Variants in AFF3 observed in about 807,000 individuals in gnomAD.
AFF3 encodes the protein AF4/FMR2 family member 3.
A neutral mutation model predicts 129.7 loss-of-function variants in AFF3; 32 were observed. The ratio of observed to expected loss-of-function variants is 0.25; its 90% CI spans 0.19 to 0.33. The LOEUF (loss-of-function observed/expected upper bound fraction) is 0.33, where lower values mean the gene tolerates loss of function less well. Ranked by LOEUF, AFF3 falls within the 10% of genes least tolerant of loss-of-function variation. The probability of loss-of-function intolerance (pLI) is 1.00; values close to 1 mark genes in which losing one functional copy is unlikely to be tolerated. For synonymous variants in AFF3, 644 were observed against 635.4 expected, an observed-to-expected ratio of 1.01 and a Z score of -0.20; for missense variants, 1,373 against 1,592.0, an observed-to-expected ratio of 0.86 and a Z score of 2.34.
chr2:99,741,204 G>T (rs1680689661), intron 10 of AFF3, among the ~76,000 whole-genome samples: 2 of 152,112 alleles, frequency 1.3e-5, no homozygotes, highest in South Asian at 4.1e-4. Flanking sequence ...ACATAGTGTT[G>T]GAAGTTCTGG....
chr2:100,093,505 C>G lies in AFF3; in HGVS notation c.53+10897G>C, dbSNP rs376137737. 3.2e-3 allele frequency among the ~76,000 whole-genome samples: 493 copies of G among 152,168 alleles called. 4 individuals are homozygous for G. The highest frequency in any genetic ancestry group is 0.011 in the African/African-American group (468 of 41,482). On this transcript the variant is annotated intron_variant, in intron 4 of 24. Transcript: ENST00000672756. ...ACCTAACTATTAGAAACCAACATAC[C>G]CTACTTCCTCTCAGACTCCAAAGAA...
chr2:100,050,150 A>G (rs1686170904), intron 4 of AFF3, among the ~76,000 whole-genome samples: 1 of 150,854 alleles, frequency 6.6e-6, no homozygotes, highest in African/African-American at 2.4e-5. Context: ...GTGAGCCGAG[A>G]TCACACCACT....
intron 8 of AFF3, among the ~76,000 whole-genome samples, chr2:99,792,312 T>C (rs2309650): frequency 0.72 from 109,356 of 151,904 alleles, 40,943 homozygotes; most frequent in South Asian, 0.9. Flanking sequence ...CTACAAAATA[T>C]AAAAAAATTA....
chr2:99,998,673 T>C lies in AFF3; in HGVS notation c.873+7959A>G, dbSNP rs554060489. ...ACACAGATGCTATTCCTGAAGGTTA[T>C]GTCTGTCAGATAACAAATACACAGA... On this transcript the variant is annotated intron_variant, in intron 7 of 24. Transcript: ENST00000672756. Among the ~76,000 whole-genome samples the C allele has an allele frequency of 5.3e-5, 8 of 152,356 alleles. No homozygotes were observed. The East Asian group carries it at 1.2e-3, about 22-fold the overall frequency.
chr2:99,839,354 C>T (rs1333595417), intron 7 of AFF3, among the ~76,000 whole-genome samples: 1 of 152,126 alleles, frequency 6.6e-6, no homozygotes, highest in South Asian at 2.1e-4. Flanking sequence ...AGGTGATCCC[C>T]TCGCCTCGGC....
chr2:99,979,729 C>T (rs1183869476), intron 7 of AFF3, among the ~76,000 whole-genome samples: 1 of 152,156 alleles, frequency 6.6e-6, no homozygotes. Flanking sequence ...GCAATTCCCC[C>T]TCTTGGGCCT....
intron 11 of AFF3, among the ~76,000 whole-genome samples, chr2:99,695,363 C>G (rs1676104855): frequency 6.6e-6 from 1 of 152,204 alleles, no homozygotes; most frequent in Admixed American, 6.5e-5. Flanking sequence ...CCCTCATATA[C>G]TCAAGGACTT....
intron 11 of AFF3, among the ~76,000 whole-genome samples, chr2:99,681,313 C>G (rs1674504656): frequency 6.6e-6 from 1 of 152,208 alleles, no homozygotes; most frequent in South Asian, 2.1e-4. Context: ...CCATTGTAAA[C>G]TGTAAAGCTT....
At chr2:99,595,469 C>T (rs1156941185) in intron 14 of AFF3, among the ~76,000 whole-genome samples, 1 of 152,132 alleles carries the variant, frequency 6.6e-6, no homozygotes, top group Admixed American at 6.5e-5. Flanking sequence ...TAGCTCCATA[C>T]TTCAAGCTTG....
chr2:99,763,162 T>C (rs1682754681), intron 8 of AFF3, among the ~76,000 whole-genome samples: 1 of 152,222 alleles, frequency 6.6e-6, no homozygotes, highest in Non-Finnish European at 1.5e-5. Flanking sequence ...GCATTCTGCC[T>C]GTCAATCCAT....
rs758361196 is a variant in AFF3, at chr2:100,006,887, G to A, written c.618C>T (p.His206=). 6 of 1,614,198 alleles carry A rather than the reference G, an allele frequency of 3.7e-6. No individual in the cohort carries two copies. In the South Asian group the frequency reaches 6.6e-5, roughly 18 times the overall value. Residue 206 remains histidine, a synonymous_variant, in exon 7 of 25, where the codon CAC becomes CAT. Coordinates refer to ENST00000672756, the MANE Select transcript of AFF3 (RefSeq NM_001386135.1). ...TCTGAACACAGTGTCCGCTGCTGCT[G>A]TGCTTGGCCGCCATGGCAGGTGGCC... ...QERPPAMAAK[H]SSSGHCVQNF... is the part of the protein sequence containing the mutation.
chr2:99,837,503 T>C lies in AFF3; in HGVS notation c.895A>G (p.Asn299Asp). 6.2e-7 allele frequency: 1 copy of C among 1,613,860 alleles called. No individual in the cohort carries two copies. The highest frequency in any genetic ancestry group is 1.3e-5 in the African/African-American group (1 of 75,024). ...CGGATTATTTCTTCAACACAGCTGT[T>C]GGTTTCTCCAGATCTACTCTCCTGA... ...QGEESRSGET[N>D]SCVEEIIREM... Residue 299 changes from asparagine to aspartate, a missense_variant, in exon 8 of 25, where the codon AAC becomes GAC. By Grantham distance (23) the Asn-to-Asp change is conservative (BLOSUM62 1). This residue lies in a region of AFF3 where 413 missense variants were observed against 424.4 expected (regional missense o/e 0.97). Coordinates refer to ENST00000672756, the MANE Select transcript of AFF3 (RefSeq NM_001386135.1).
intron 7 of AFF3, among the ~76,000 whole-genome samples, chr2:99,980,016 T>C (rs1216417114): frequency 1.3e-5 from 2 of 152,016 alleles, no homozygotes; most frequent in Non-Finnish European, 2.9e-5. Context: ...CATAATTGTG[T>C]GCCCTTAATT....
At chr2:99,567,718 G>A (rs1166717872) in intron 19 of AFF3, among the ~76,000 whole-genome samples, 1 of 152,218 alleles carries the variant, frequency 6.6e-6, no homozygotes, top group Non-Finnish European at 1.5e-5. Flanking sequence ...GTGCTTAGAG[G>A]TCAGTAGGGG....
At chr2:99,744,777 A>G (rs1467714382) in intron 9 of AFF3, among the ~76,000 whole-genome samples, 2 of 152,174 alleles carry the variant, frequency 1.3e-5, no homozygotes, top group African/African-American at 4.8e-5. Context: ...GTGTTTATCC[A>G]TTCATCTGTT....
At chr2:99,770,754 C>T (rs1683410265) in intron 8 of AFF3, among the ~76,000 whole-genome samples, 1 of 152,126 alleles carries the variant, frequency 6.6e-6, no homozygotes, top group Non-Finnish European at 1.5e-5. Flanking sequence ...CCTTCTGGCC[C>T]AGGGTGTCTC....
chr2:100,007,256 T>C lies in AFF3; in HGVS notation c.379A>G (p.Ser127Gly), dbSNP rs764548950. The change falls in exon 6 of 25, where the codon AGC becomes GGC. Residue 127 changes from serine to glycine, a missense_variant. Physicochemically the swap from Ser to Gly is moderately conservative, Grantham distance 56 (BLOSUM62 0). Around this residue, in one of 9 missense-constraint regions of AFF3, gnomAD observed 255 missense variants for 256.0 expected, o/e 1.00. Transcript: ENST00000672756. ...GCTGCTGGTGTGGAAGTTGTAGTGC[T>C]ACAGATAGACGAGGGCTGGTTCTGG... ...RAQNQPSSIC[S>G]TTTSTPAAVP... 1 of 1,614,124 alleles carries C rather than the reference T, an allele frequency of 6.2e-7. No homozygotes were observed. Among genetic ancestry groups the C allele is most frequent in the South Asian group, 1.1e-5 (1 of 91,078 alleles).
At position 99,593,848 on chromosome 2, in the gene AFF3, G is replaced by T; in HGVS notation, c.1813C>A (p.Pro605Thr). The T allele has an allele frequency of 6.3e-7, 1 of 1,593,610 alleles. No individual in the cohort carries two copies. ...SAGDGANCHR[P>T]EEPAAADALG... The stretch of plus-strand genomic sequence containing the variant: ...GCGTCCGCGGCCGCGGGCTCCTCGG[G>T]CCGGTGGCAGTTGGCGCCGTCCCCG... The change falls in exon 15 of 25, where the codon CCC (proline) becomes ACC (threonine). Residue 605 changes from proline (P) to threonine (T), a missense_variant. Physicochemically the swap from Pro to Thr is conservative, Grantham distance 38. This residue lies in a region of AFF3 where 466 missense variants were observed against 505.0 expected (regional missense o/e 0.92). Coordinates refer to ENST00000672756, the MANE Select transcript of AFF3 (RefSeq NM_001386135.1).
chr2:99,653,221 C>T (rs1045602003), intron 12 of AFF3, among the ~76,000 whole-genome samples: 40 of 152,186 alleles, frequency 2.6e-4, no homozygotes, highest in African/African-American at 8.4e-4. Context: ...TTTTGAACTG[C>T]CCCAAAGAAA....
Sources: allele counts gnomAD v4.1 joint callset (sites outside exome capture counted in the v4.1 genomes callset), GRCh38; gene constraint gnomAD v4.1.1; regional missense constraint gnomAD v4.1.1; transcripts MANE v1.5; gene names NCBI Gene and HGNC (gene_info 2026-07-23, HGNC 2026-07-21).